GPHN: variants seen among roughly 807,000 people sequenced by gnomAD.
GPHN encodes the protein gephyrin.
A neutral mutation model predicts 95.5 loss-of-function variants in GPHN; 17 were observed. The observed-to-expected ratio is 0.18, with a 90% CI of 0.12 to 0.27. The LOEUF (loss-of-function observed/expected upper bound fraction) is 0.27, where lower values mean the gene tolerates loss of function less well. Among genes scored for constraint, GPHN ranks in the 10% least tolerant of loss-of-function variants. The pLI is 1.00. For missense variants in GPHN, 660 were observed against 978.1 expected, an observed-to-expected ratio of 0.67 and a Z score of 4.34; for synonymous variants, 320 against 322.5, an observed-to-expected ratio of 0.99 and a Z score of 0.08.
chr14:67,656,298 A>T, the GPHN span: 1 of 1,019,204 alleles, frequency 9.8e-7, no homozygotes, highest in Non-Finnish European at 1.3e-6. Context: ...TAAGAACTTA[A>T]AAAAGACTAT....
the GPHN span, among the ~76,000 whole-genome samples, chr14:67,523,963 G>A: frequency 6.6e-6 from 1 of 152,184 alleles, no homozygotes; most frequent in Admixed American, 6.5e-5. Context: ...GGTTTCCAGT[G>A]ACACAAAGCA....
At chr14:67,382,888 T>C in the GPHN span, among the ~76,000 whole-genome samples, 1 of 149,480 alleles carries the variant, frequency 6.7e-6, no homozygotes, top group African/African-American at 2.5e-5. Flanking sequence ...AAGAAAGAAG[T>C]GTGTGTACGT....
chr14:67,672,006 T>C, the GPHN span, among the ~76,000 whole-genome samples: 33 of 152,304 alleles, frequency 2.2e-4, no homozygotes, highest in South Asian at 8.3e-4. Flanking sequence ...ATTCAAACCA[T>C]AGTAATAATG....
the GPHN span, among the ~76,000 whole-genome samples, chr14:67,458,588 C>T: frequency 7.2e-5 from 11 of 152,190 alleles, no homozygotes; most frequent in African/African-American, 1.7e-4. Flanking sequence ...ATTTGAAGGG[C>T]GGGAGAGGGG....
the GPHN span, chr14:67,383,219 T>C: frequency 1.5e-6 from 2 of 1,345,262 alleles, no homozygotes; most frequent in Non-Finnish European, 2.0e-6. Flanking sequence ...GTTAGAAAAG[T>C]GTTAAAGAGA....
the GPHN span, chr14:67,646,346 G>A: frequency 2.7e-6 from 1 of 364,062 alleles, no homozygotes; most frequent in Non-Finnish European, 5.0e-6. Context: ...ATGTGCAATG[G>A]GATAGAAAAG....
intron 18 of GPHN, among the ~76,000 whole-genome samples, chr14:67,152,275 A>G (rs1238468089): frequency 6.6e-6 from 1 of 152,176 alleles, no homozygotes; most frequent in Non-Finnish European, 1.5e-5. Flanking sequence ...TCTGTGCTAC[A>G]CTTGCCATAA....
intron 1 of GPHN, among the ~76,000 whole-genome samples, chr14:66,638,572 T>G (rs2064228053): frequency 6.6e-6 from 1 of 152,172 alleles, no homozygotes. Context: ...TCCTTTAGTT[T>G]TATCAAGTTG....
chr14:66,816,240 G>T (rs2060961445), intron 3 of GPHN, among the ~76,000 whole-genome samples: 1 of 152,048 alleles, frequency 6.6e-6, no homozygotes, highest in Non-Finnish European at 1.5e-5. Flanking sequence ...GACAATATTA[G>T]ATCACTGAGA....
At chr14:67,565,428 A>T in the GPHN span, among the ~76,000 whole-genome samples, 1 of 152,138 alleles carries the variant, frequency 6.6e-6, no homozygotes, top group East Asian at 1.9e-4. Context: ...AATTTTTTGT[A>T]GGGATGGAGT....
At chr14:67,585,050 C>T in the GPHN span, 1 of 152,938 alleles carries the variant, frequency 6.5e-6, no homozygotes, top group Non-Finnish European at 1.5e-5. Context: ...ACAGGAATGT[C>T]CACTAAATAG....
chr14:67,011,375 C>A (rs1424610362), intron 9 of GPHN, among the ~76,000 whole-genome samples: 1 of 150,832 alleles, frequency 6.6e-6, no homozygotes, highest in Non-Finnish European at 1.5e-5. Flanking sequence ...GAGTTTGTGA[C>A]CAGCCTGGAC....
the GPHN span, among the ~76,000 whole-genome samples, chr14:67,236,825 T>C: frequency 6.6e-6 from 1 of 152,094 alleles, no homozygotes; most frequent in Non-Finnish European, 1.5e-5. Context: ...CGGTGGCTCA[T>C]GCCTGTAATC....
chr14:67,469,933 C>A, the GPHN span, among the ~76,000 whole-genome samples: 2 of 152,148 alleles, frequency 1.3e-5, no homozygotes, highest in Non-Finnish European at 2.9e-5. Flanking sequence ...AGGAGGAGCT[C>A]GTCTCATGGG....
At chr14:67,455,129 C>T in the GPHN span, among the ~76,000 whole-genome samples, 2 of 152,218 alleles carry the variant, frequency 1.3e-5, no homozygotes, top group African/African-American at 4.8e-5. Flanking sequence ...GGATTATAGG[C>T]ATGAGCCAAT....
intron 4 of GPHN, among the ~76,000 whole-genome samples, chr14:66,862,503 A>T (rs191407949): frequency 3.3e-5 from 5 of 152,140 alleles, no homozygotes; most frequent in African/African-American, 1.2e-4. Context: ...TGTTACCCTG[A>T]TACCAAAATC....
At chr14:67,148,774 G>C (rs948891433) in intron 18 of GPHN, among the ~76,000 whole-genome samples, 1 of 151,438 alleles carries the variant, frequency 6.6e-6, no homozygotes, top group Non-Finnish European at 1.5e-5. Context: ...CACCATGTTA[G>C]CCAGGATGGT....
chr14:67,418,407 C>A, the GPHN span, among the ~76,000 whole-genome samples: 3 of 152,156 alleles, frequency 2.0e-5, no homozygotes, highest in South Asian at 2.1e-4. Flanking sequence ...CATTACTATT[C>A]CCAATTATTC....
At chr14:66,937,701 T>G (rs1414341393) in intron 8 of GPHN, among the ~76,000 whole-genome samples, 1 of 152,152 alleles carries the variant, frequency 6.6e-6, no homozygotes, top group East Asian at 1.9e-4. Context: ...TAACCAGATA[T>G]CCTCCTTAAG....
Sources: allele counts gnomAD v4.1 joint callset (sites outside exome capture counted in the v4.1 genomes callset), GRCh38; gene constraint gnomAD v4.1.1; transcripts MANE v1.5; gene names NCBI Gene and HGNC (gene_info 2026-07-23, HGNC 2026-07-21).